DDX10: variants seen among roughly 807,000 people sequenced by gnomAD.
DDX10 encodes probable ATP-dependent RNA helicase DDX10.
In DDX10, 74 loss-of-function variants were observed where a neutral mutation model predicts 104.3. The observed-to-expected ratio is 0.71, with a 90% CI of 0.59 to 0.86. The LOEUF is 0.86. Among genes scored for constraint, DDX10 ranks in the 40% least tolerant of loss-of-function variants. DDX10 has a pLI of 0.00. For synonymous variants in DDX10, 351 were observed against 353.4 expected, an observed-to-expected ratio of 0.99 and a Z score of 0.08; for missense variants, 952 against 1,040.0, an observed-to-expected ratio of 0.92 and a Z score of 1.16.
intron 13 of DDX10, among the ~76,000 whole-genome samples, chr11:108,828,157 A>AT (rs1052508344): frequency 5.5e-4 from 84 of 151,612 alleles, no homozygotes; most frequent in South Asian, 2.5e-3. Flanking sequence ...TTTGTTTTTA[A>AT]TTTTTTTTTA....
At chr11:108,788,835 G>T (rs921967382) in intron 13 of DDX10, among the ~76,000 whole-genome samples, 1 of 152,202 alleles carries the variant, frequency 6.6e-6, no homozygotes, top group East Asian at 1.9e-4. Context: ...TTTTGGTTCT[G>T]TTGGTAGTTA....
chr11:108,903,786 C>T (rs1029709590), intron 16 of DDX10, among the ~76,000 whole-genome samples: 9 of 152,086 alleles, frequency 5.9e-5, no homozygotes, highest in South Asian at 2.1e-4. Context: ...TTTATTCCAT[C>T]GTATGGGTAG....
chr11:108,886,558 G>T (rs1400340551), intron 16 of DDX10, among the ~76,000 whole-genome samples: 1 of 152,070 alleles, frequency 6.6e-6, no homozygotes, highest in Non-Finnish European at 1.5e-5. Context: ...TTTGAATTTT[G>T]CCGTTGAAAA....
At chr11:108,801,036 A>G (rs1407421811) in intron 13 of DDX10, among the ~76,000 whole-genome samples, 1 of 152,208 alleles carries the variant, frequency 6.6e-6, no homozygotes, top group Middle Eastern at 3.2e-3. Flanking sequence ...CTACTCAGAT[A>G]CAATTGCCTC....
intron 8 of DDX10, among the ~76,000 whole-genome samples, chr11:108,692,452 A>T (rs2094254078): frequency 6.7e-6 from 1 of 148,970 alleles, no homozygotes; most frequent in Non-Finnish European, 1.5e-5. Context: ...TAGCGTAGTT[A>T]AATTTATTTT....
intron 13 of DDX10, among the ~76,000 whole-genome samples, chr11:108,768,676 A>G (rs2094359242): frequency 6.6e-6 from 1 of 152,206 alleles, no homozygotes; most frequent in African/African-American, 2.4e-5. Context: ...CTCATGTACA[A>G]TTTAAGACCC....
intron 17 of DDX10, among the ~76,000 whole-genome samples, chr11:108,924,510 C>G (rs1285527443): frequency 6.6e-6 from 1 of 152,156 alleles, no homozygotes; most frequent in Non-Finnish European, 1.5e-5. Flanking sequence ...AATCAAAAGA[C>G]TAATCAAGGT....
At chr11:108,809,541 A>G (rs1862148969) in intron 13 of DDX10, among the ~76,000 whole-genome samples, 1 of 152,224 alleles carries the variant, frequency 6.6e-6, no homozygotes. Flanking sequence ...AGGAGTGAAT[A>G]CCAATAAAGG....
chr11:108,866,556 G>A (rs1863010130), intron 16 of DDX10, among the ~76,000 whole-genome samples: 1 of 152,090 alleles, frequency 6.6e-6, no homozygotes, highest in Admixed American at 6.5e-5. Flanking sequence ...GGAACATGGA[G>A]ATATTAGGAG....
At chr11:108,878,940 A>G (rs1418541641) in intron 16 of DDX10, among the ~76,000 whole-genome samples, 2 of 152,194 alleles carry the variant, frequency 1.3e-5, no homozygotes, top group Non-Finnish European at 2.9e-5. Flanking sequence ...ATAGTGTTCC[A>G]CATTTGGCAC....
chr11:108,705,884 T>G (rs897911968), intron 9 of DDX10, among the ~76,000 whole-genome samples: 5 of 152,170 alleles, frequency 3.3e-5, no homozygotes, highest in African/African-American at 1.2e-4. Context: ...TACAAATTTC[T>G]GAAGATGCAG....
At chr11:108,728,659 T>G (rs2094308265) in intron 13 of DDX10, among the ~76,000 whole-genome samples, 1 of 151,916 alleles carries the variant, frequency 6.6e-6, no homozygotes, top group Non-Finnish European at 1.5e-5. Flanking sequence ...GGACTTCAGG[T>G]GTATGCTACC....
At chr11:108,849,274 G>T (rs1862760586) in intron 15 of DDX10, among the ~76,000 whole-genome samples, 1 of 152,082 alleles carries the variant, frequency 6.6e-6, no homozygotes, top group African/African-American at 2.4e-5. Context: ...AAGTAAAGAT[G>T]CATGTCCCCT....
chr11:108,788,376 T>G (rs1007989951), intron 13 of DDX10, among the ~76,000 whole-genome samples: 22 of 152,180 alleles, frequency 1.4e-4, no homozygotes, highest in African/African-American at 5.1e-4. Context: ...TTTTTTTCTT[T>G]TTTGAGCTGG....
At chr11:108,885,889 C>CACAAAA (rs1863290541) in intron 16 of DDX10, among the ~76,000 whole-genome samples, 1 of 152,116 alleles carries the variant, frequency 6.6e-6, no homozygotes, top group Non-Finnish European at 1.5e-5. Flanking sequence ...TCAGCTAAGT[C>CACAAAA]ACTTTGAGGT....
intron 16 of DDX10, among the ~76,000 whole-genome samples, chr11:108,890,788 A>G (rs1863365623): frequency 6.6e-6 from 1 of 152,156 alleles, no homozygotes; most frequent in East Asian, 1.9e-4. Flanking sequence ...TTTAGAAATG[A>G]GGGAGGAACC....
chr11:108,755,498 C>T (rs1007824644), intron 13 of DDX10, among the ~76,000 whole-genome samples: 2 of 151,970 alleles, frequency 1.3e-5, no homozygotes, highest in Non-Finnish European at 2.9e-5. Context: ...CAGGCTACAA[C>T]CACAGGATTG....
At chr11:108,728,692 T>A (rs2094308312) in intron 13 of DDX10, among the ~76,000 whole-genome samples, 2 of 152,032 alleles carry the variant, frequency 1.3e-5, no homozygotes, top group South Asian at 2.1e-4. Context: ...TTTTTAAAAA[T>A]TTTTTTGTAG....
chr11:108,764,945 G>A (rs1337096094), intron 13 of DDX10, among the ~76,000 whole-genome samples: 1 of 152,090 alleles, frequency 6.6e-6, no homozygotes, highest in Non-Finnish European at 1.5e-5. Flanking sequence ...TCAAAAGTAT[G>A]TTGTCTTATT....
Sources: gnomAD v4.1 joint callset for allele counts (sites outside exome capture counted in the v4.1 genomes callset) on GRCh38, gnomAD v4.1.1 for gene constraint, MANE v1.5 for transcripts, NCBI Gene and HGNC (gene_info 2026-07-23, HGNC 2026-07-21) for gene names.